Variants in PDE4D observed in about 807,000 individuals in gnomAD.
The protein encoded by PDE4D is 3',5'-cyclic-AMP phosphodiesterase 4D.
In PDE4D, 24 loss-of-function variants were observed where a neutral mutation model predicts 87.4. The observed-to-expected ratio is 0.27, with a 90% CI of 0.20 to 0.39. The LOEUF (loss-of-function observed/expected upper bound fraction) is 0.39. Among genes scored for constraint, PDE4D ranks in the 10% least tolerant of loss-of-function variants. The pLI is 1.00. For missense variants in PDE4D, 714 were observed against 1,041.0 expected, an observed-to-expected ratio of 0.69 and a Z score of 4.32; for synonymous variants, 384 against 383.2, an observed-to-expected ratio of 1.00 and a Z score of -0.02.
At chr5:59,217,884 C>T in intron 1 of PDE4D, 1 of 347,924 alleles carries the variant, frequency 2.9e-6, no homozygotes, top group South Asian at 2.3e-5. Flanking sequence ...AATAGACATA[C>T]ATTAGGGATC....
chr5:59,243,738 G>A (rs1758197724), intron 1 of PDE4D, among the ~76,000 whole-genome samples: 1 of 151,994 alleles, frequency 6.6e-6, no homozygotes, highest in African/African-American at 2.4e-5. Flanking sequence ...GGAATTACAG[G>A]CGTGAGCCAC....
chr5:59,838,231 C>T (rs1217738021), intron 1 of PDE4D, among the ~76,000 whole-genome samples: 3 of 152,040 alleles, frequency 2.0e-5, no homozygotes, highest in African/African-American at 7.2e-5. Flanking sequence ...CCCAAGGCAT[C>T]CCCACCTCCA....
chr5:60,146,788 A>C (rs1010639538), intron 2 of PDE4D, among the ~76,000 whole-genome samples: 1 of 152,238 alleles, frequency 6.6e-6, no homozygotes, highest in African/African-American at 2.4e-5. Flanking sequence ...CAAGAAAATA[A>C]ATAACTCATT....
chr5:59,986,957 G>T (rs1009206053), intron 3 of PDE4D: 1 of 152,148 alleles, frequency 6.6e-6, no homozygotes, highest in African/African-American at 2.4e-5. Context: ...AGTGTATCTT[G>T]TCTTACTTCA....
At chr5:59,403,971 G>A (rs370841588) in intron 1 of PDE4D, among the ~76,000 whole-genome samples, 53 of 152,214 alleles carry the variant, frequency 3.5e-4, no homozygotes, top group East Asian at 1.9e-3. Flanking sequence ...ATTTGTTACT[G>A]CCTGTCTTTT....
At chr5:59,762,552 G>A (rs1161539524) in intron 1 of PDE4D, among the ~76,000 whole-genome samples, 8 of 119,408 alleles carry the variant, frequency 6.7e-5, no homozygotes, top group Non-Finnish European at 8.5e-5. Context: ...ATGTGTATAT[G>A]GGTACACATA....
chr5:60,426,758 G>T (rs1354397707), intron 1 of PDE4D, among the ~76,000 whole-genome samples: 1 of 152,120 alleles, frequency 6.6e-6, no homozygotes, highest in Non-Finnish European at 1.5e-5. Context: ...ACCCAGATAT[G>T]TCCAAACAAA....
rs183853062 is a variant in PDE4D, at chr5:59,797,108, C to T, written c.455+96060G>A. 19 of 146,966 alleles carry T rather than the reference C, an allele frequency of 1.3e-4. No homozygotes were observed. In the East Asian group the frequency reaches 3.6e-3, roughly 28 times the overall value. 9.1% of individuals were successfully genotyped at this position (146,966 alleles called of 1,614,324 possible). A position where few individuals can be genotyped will look rare whatever the true frequency, so the allele number is the denominator to read the frequency against. On this transcript the variant is annotated intron_variant, in intron 1 of 14. Transcript: ENST00000340635. The stretch of plus-strand genomic sequence containing the variant: ...AGATCAAACCTAAAATGCAGCACTT[C>T]GCAGATGGAGGAGAGACATTCTCTC...
At chr5:59,453,159 G>T (rs1305005855) in intron 1 of PDE4D, among the ~76,000 whole-genome samples, 1 of 152,114 alleles carries the variant, frequency 6.6e-6, no homozygotes, top group African/African-American at 2.4e-5. Flanking sequence ...TATTGTAATT[G>T]TTTAGGAGTA....
chr5:59,780,010 T>C (rs1764452107), intron 1 of PDE4D, among the ~76,000 whole-genome samples: 1 of 152,216 alleles, frequency 6.6e-6, no homozygotes. Flanking sequence ...CCTGTACTAG[T>C]TGTCAATGCC....
intron 1 of PDE4D, among the ~76,000 whole-genome samples, chr5:59,400,309 A>T (rs1790339679): frequency 8.7e-6 from 1 of 114,428 alleles, no homozygotes; most frequent in South Asian, 3.2e-4. Context: ...CATTATTCAC[A>T]ATAGCAAAGA....
At chr5:59,895,463 G>C (rs964307906), upstream of PDE4D, among the ~76,000 whole-genome samples, 1 of 152,184 alleles carries the variant, frequency 6.6e-6, no homozygotes, top group African/African-American at 2.4e-5. Context: ...ACTCTCCACT[G>C]TGTAGGATTA....
chr5:59,111,785 A>G (rs1388448977), intron 5 of PDE4D, among the ~76,000 whole-genome samples: 1 of 152,210 alleles, frequency 6.6e-6, no homozygotes, highest in Non-Finnish European at 1.5e-5. Flanking sequence ...CTTAATGGGA[A>G]ACCAAAGAAG....
intron 3 of PDE4D, among the ~76,000 whole-genome samples, chr5:59,935,129 G>A (rs766423662): frequency 1.3e-5 from 2 of 152,112 alleles, no homozygotes; most frequent in African/African-American, 4.8e-5. Flanking sequence ...AATCCATTGG[G>A]CATAGAAGAA....
intron 1 of PDE4D, among the ~76,000 whole-genome samples, chr5:59,625,028 ATTACT>A (rs1204489994): frequency 2.6e-5 from 4 of 152,238 alleles, no homozygotes; most frequent in Non-Finnish European, 5.9e-5. Context: ...CCACGGTTAT[ATTACT>A]TTACATGGAA....
chr5:60,499,116 G>A (rs1749950987), intron 1 of PDE4D, among the ~76,000 whole-genome samples: 1 of 152,280 alleles, frequency 6.6e-6, no homozygotes, highest in Non-Finnish European at 1.5e-5. Context: ...AAGCATTTTT[G>A]TGAACCCTTT....
At chr5:59,269,080 G>C (rs140189435) in intron 1 of PDE4D, among the ~76,000 whole-genome samples, 217 of 151,926 alleles carry the variant, frequency 1.4e-3, no homozygotes, top group African/African-American at 5.1e-3. Flanking sequence ...CAAAACCATG[G>C]TGTGCCTCAG....
intron 1 of PDE4D, among the ~76,000 whole-genome samples, chr5:60,517,780 G>A (rs138771313): frequency 1.1e-4 from 16 of 152,322 alleles, no homozygotes; most frequent in African/African-American, 3.6e-4. Flanking sequence ...CCCTCCAGTT[G>A]TCCCTGTACC....
chr5:59,516,005 T>C (rs780533582), intron 1 of PDE4D, among the ~76,000 whole-genome samples: 2 of 152,128 alleles, frequency 1.3e-5, no homozygotes, highest in African/African-American at 4.8e-5. Flanking sequence ...AACTTTACGG[T>C]GAAATAAAAA....
Sources: gnomAD v4.1 joint callset for allele counts (sites outside exome capture counted in the v4.1 genomes callset) on GRCh38, gnomAD v4.1.1 for gene constraint, MANE v1.5 for transcripts, NCBI Gene and HGNC (gene_info 2026-07-23, HGNC 2026-07-21) for gene names.